Variants in CDH3 observed in about 807,000 individuals in gnomAD.
The protein encoded by CDH3 is cadherin 3.
Under a neutral mutation model 82.0 loss-of-function variants are expected in CDH3, and 54 were observed. The ratio of observed to expected loss-of-function variants is 0.66; its 90% CI spans 0.53 to 0.83. The LOEUF is 0.83. CDH3 is among the 40% of genes least tolerant of loss of function. The pLI, the probability that CDH3 is intolerant of heterozygous loss-of-function variation, is 0.00. For synonymous variants in CDH3, 446 were observed against 437.9 expected (o/e 1.02, Z -0.23); for missense variants, 1,054 against 1,084.6 (o/e 0.97, Z 0.40).
chr16:68,712,034 T>TTTC (rs1378053316), intron 1 of CDH3, among the ~76,000 whole-genome samples: 1 of 81,930 alleles, frequency 1.2e-5, no homozygotes, highest in African/African-American at 5.0e-5. Context: ...GTTTTTTTGT[T>TTTC]TTCTTTTTTT....
Position 68,684,773 on chromosome 16 carries a change from C to CTG in CDH3, c.1381_1382dup (p.Tyr462SerfsTer19), listed in dbSNP as rs1567451829. The CTG allele has an allele frequency of 4.3e-6, 7 of 1,614,188 alleles. No individual in the cohort carries two copies. The highest frequency in any genetic ancestry group is 5.9e-6 in the Non-Finnish European group (7 of 1,180,030). ...CAGGAGGGCATCCCCACTGGGGAGC[C>CTG]TGTGTGTGTCTACACTGCAGAAGAC... On this transcript the variant is annotated frameshift_variant, in exon 10 of 16. Coordinates refer to ENST00000264012, the MANE Select transcript of CDH3 (RefSeq NM_001793.6). LOFTEE classifies it high-confidence loss of function.
intron 2 of CDH3, among the ~76,000 whole-genome samples, chr16:68,671,155 CTTT>C (rs777512178): frequency 4.3e-5 from 6 of 139,374 alleles, no homozygotes; most frequent in Non-Finnish European, 7.9e-5. Flanking sequence ...GATTGATGTA[CTTT>C]TTTTTTTTTT....
chr16:68,725,819 T>A (rs1299644525), intron 2 of CDH3, among the ~76,000 whole-genome samples: 1 of 151,838 alleles, frequency 6.6e-6, no homozygotes, highest in African/African-American at 2.4e-5. Flanking sequence ...TTTGGGAGGC[T>A]GAGGTGGGTG....
rs1961682626 is a variant in CDH3, at chr16:68,695,250, T to C, written c.2003-5T>C. 6.2e-7 allele frequency: 1 copy of C among 1,613,998 alleles called. No homozygotes were observed. Among genetic ancestry groups the C allele is most frequent in the African/African-American group, 1.3e-5 (1 of 74,904 alleles). On this transcript the variant is annotated splice_polypyrimidine_tract_variant and splice_region_variant and intron_variant, in intron 13 of 15. Coordinates refer to ENST00000264012, the MANE Select transcript of CDH3 (RefSeq NM_001793.6). The stretch of plus-strand genomic sequence containing the variant: ...GGGAGCACTCACACTCCCCAACCCT[T>C]GCAGTCCTCCTGCTGGTGCTGCTTT...
chr16:68,682,774 A>G (rs891960091), intron 9 of CDH3, among the ~76,000 whole-genome samples: 1 of 152,224 alleles, frequency 6.6e-6, no homozygotes, highest in African/African-American at 2.4e-5. Context: ...TCAGTCTCAC[A>G]TAGAGAGTCC....
chr16:68,664,852 G>C (rs1424807984), intron 2 of CDH3, among the ~76,000 whole-genome samples: 1 of 151,982 alleles, frequency 6.6e-6, no homozygotes, highest in Non-Finnish European at 1.5e-5. Flanking sequence ...GTTTCGCCAT[G>C]TTGCCCAGGC....
intron 15 of CDH3, 29 bp downstream of exon 15, chr16:68,695,952 A>G (rs779329722): frequency 3.7e-6 from 6 of 1,611,776 alleles, no homozygotes; most frequent in African/African-American, 1.3e-5. Flanking sequence ...GTCGAGGGCC[A>G]CCCTTTATTC....
At chr16:68,685,903 G>A (rs1206903291) in intron 11 of CDH3, among the ~76,000 whole-genome samples, 1 of 152,132 alleles carries the variant, frequency 6.6e-6, no homozygotes, top group Non-Finnish European at 1.5e-5. Context: ...TGGTGACTCA[G>A]GCCTGTAATG....
intron 1 of CDH3, 80 bp downstream of exon 1, chr16:68,645,504 G>A (rs1277912884): frequency 1.3e-6 from 2 of 1,521,076 alleles, no homozygotes; most frequent in Non-Finnish European, 1.8e-6. Flanking sequence ...CAGTGGCGTC[G>A]GGGAGAGCGC....
chr16:68,678,091 C>T (rs1419146329), intron 3 of CDH3, 43 bp from the exon 4 acceptor site: 3 of 1,586,086 alleles, frequency 1.9e-6, no homozygotes, highest in East Asian at 4.5e-5. Flanking sequence ...GAGCATGTCC[C>T]AGCTATTTGC....
At chr16:68,685,663 C>T (rs1268161652) in intron 11 of CDH3, among the ~76,000 whole-genome samples, 4 of 151,694 alleles carry the variant, frequency 2.6e-5, no homozygotes, top group Non-Finnish European at 4.4e-5. Flanking sequence ...AAAAATTAGC[C>T]GGGTGTGGTG....
At chr16:68,696,645 G>C (rs762087724) in intron 15 of CDH3, 1 of 157,664 alleles carries the variant, frequency 6.3e-6, no homozygotes, top group South Asian at 1.9e-4. Flanking sequence ...CTAGCTGAGC[G>C]GGGCGGGGAG....
At chr16:68,683,537 A>G (rs1242767650) in intron 9 of CDH3, among the ~76,000 whole-genome samples, 1 of 150,598 alleles carries the variant, frequency 6.6e-6, no homozygotes, top group Non-Finnish European at 1.5e-5. Context: ...CTGTAGTCCC[A>G]GCTACTTGGG....
rs1005268192 is a variant in CDH3 at position 68,684,864 on chromosome 16, A to G, written c.1424+40A>G. On this transcript the variant is annotated intron_variant, in intron 10 of 15. Transcript: ENST00000264012. ...GGCTCAGTAAGCAGCACGTACTGGT[A>G]CAGTTGGTGGGTGGGTGATCATGGC... 3.1e-6 allele frequency: 5 copies of G among 1,612,982 alleles called. No individual in the cohort carries two copies. In the African/African-American group the frequency reaches 5.3e-5, roughly 17 times the overall value.
chr16:68,705,325 C>G (rs1961946592), intron 1 of CDH3, among the ~76,000 whole-genome samples: 1 of 152,190 alleles, frequency 6.6e-6, no homozygotes, highest in Non-Finnish European at 1.5e-5. Context: ...CCACAGCATT[C>G]CCAGCCACTT....
downstream of CDH3, among the ~76,000 whole-genome samples, chr16:68,701,346 G>C (rs542728720): frequency 6.6e-6 from 1 of 152,148 alleles, no homozygotes; most frequent in South Asian, 2.1e-4. Flanking sequence ...CAGAAGCTTA[G>C]GACTCTGATC....
intron 2 of CDH3, among the ~76,000 whole-genome samples, chr16:68,666,373 C>T (rs557847481): frequency 3.3e-5 from 5 of 152,268 alleles, no homozygotes; most frequent in South Asian, 4.1e-4. Context: ...CCAATAGGTG[C>T]ACCCAGGGCT....
Position 68,707,794 on chromosome 16 carries a change from C to T in CDH3, c.99+11871C>T, listed in dbSNP as rs1482258172. ...AGTTAGAGGTGGGGTGGGAAGCCAC[C>T]CCTGCATTCCCTGTACCCACTGCCC... On this transcript the variant is annotated intron_variant, in intron 1 of 2. Coordinates refer to the CDH3 transcript ENST00000569080. This position sits in a 1 kb window ranked among gnomAD's most constrained non-coding sequence, Gnocchi z 4.5. Among the ~76,000 whole-genome samples, 1 of 152,072 alleles carries T rather than the reference C, an allele frequency of 6.6e-6. No individual in the cohort carries two copies. The highest frequency in any genetic ancestry group is 1.9e-4 in the East Asian group (1 of 5,182).
At chr16:68,695,668 C>G in intron 14 of CDH3, 109 bp from the exon 15 acceptor site, 2 of 1,299,982 alleles carry the variant, frequency 1.5e-6, no homozygotes, top group Admixed American at 1.8e-5. Context: ...GTAAGACCTC[C>G]CCATGAGCCA....
Sources: allele counts gnomAD v4.1 joint callset (sites outside exome capture counted in the v4.1 genomes callset), GRCh38; gene constraint gnomAD v4.1.1; non-coding constraint Gnocchi (gnomAD v3.1); transcripts MANE v1.5; gene names NCBI Gene and HGNC (gene_info 2026-07-23, HGNC 2026-07-21).